RSF1: variants seen among roughly 807,000 people sequenced by gnomAD.
RSF1 encodes HBV pX-associated protein 8.
Under a neutral mutation model 145.2 loss-of-function variants are expected in RSF1, and 13 were observed. The observed-to-expected ratio is 0.09, with a 90% confidence interval of 0.06 to 0.14. The LOEUF (loss-of-function observed/expected upper bound fraction) is 0.14, where lower values mean the gene tolerates loss of function less well. Among genes scored for constraint, RSF1 ranks in the 10% least tolerant of loss-of-function variants. The probability of loss-of-function intolerance (pLI) is 1.00; values close to 1 mark genes in which losing one functional copy is unlikely to be tolerated. For synonymous variants in RSF1, 577 were observed against 592.6 expected (o/e 0.97, Z 0.38); for missense variants, 1,517 against 1,718.2 (o/e 0.88, Z 2.07).
At chr11:77,872,086 A>G in the RSF1 span, 4 of 1,411,530 alleles carry the variant, frequency 2.8e-6, no homozygotes, top group African/African-American at 4.3e-5. Flanking sequence ...TCACTGTCTA[A>G]TTCTGTAGAG....
At chr11:77,747,679 G>A (rs1201376932) in intron 2 of RSF1, among the ~76,000 whole-genome samples, 1 of 152,136 alleles carries the variant, frequency 6.6e-6, no homozygotes, top group Non-Finnish European at 1.5e-5. Flanking sequence ...AGGCAAACCA[G>A]AGCCACTGTA....
Position 77,676,945 on chromosome 11 carries a change from A to T in RSF1, c.3188T>A (p.Ile1063Asn), listed in dbSNP as rs1959722361. ...TCTTTCTTCATCCAAAATAGTAGAG[A>T]TGTCTTTCCCACGATGACCTGTGAT... is the stretch of plus-strand genomic sequence containing the variant. ...STITGHRGKD[I>N]STILDEERKE... Residue 1063 changes from isoleucine (I) to asparagine (N), a missense_variant, in exon 13 of 16, where the codon ATC (isoleucine) becomes AAC (asparagine). Physicochemically the swap from Ile to Asn is moderately radical, Grantham distance 149. This residue lies in a region of RSF1 where 231 missense variants were observed against 276.6 expected (regional missense o/e 0.84). Transcript: ENST00000308488. 6.2e-7 allele frequency: 1 copy of T among 1,613,672 alleles called. No individual in the cohort carries two copies.
the RSF1 span, among the ~76,000 whole-genome samples, chr11:77,871,734 A>G: frequency 6.6e-6 from 1 of 152,258 alleles, no homozygotes; most frequent in South Asian, 2.1e-4. Context: ...AGTTTAGACT[A>G]ACTCAAACAT....
At chr11:77,755,670 C>A (rs1013376015) in intron 2 of RSF1, among the ~76,000 whole-genome samples, 1 of 152,018 alleles carries the variant, frequency 6.6e-6, no homozygotes, top group African/African-American at 2.4e-5. Context: ...ACCTCTGCCC[C>A]CCAGGTTCAA....
At chr11:77,717,395 T>A (rs780904591) in intron 5 of RSF1, among the ~76,000 whole-genome samples, 1 of 152,084 alleles carries the variant, frequency 6.6e-6, no homozygotes, top group Non-Finnish European at 1.5e-5. Context: ...TTTCTCCAGT[T>A]GTCACCTGGG....
At chr11:77,788,635 T>C (rs767613498) in intron 1 of RSF1, among the ~76,000 whole-genome samples, 3 of 151,992 alleles carry the variant, frequency 2.0e-5, no homozygotes, top group Admixed American at 1.3e-4. Flanking sequence ...GTGGCATGCA[T>C]CTAAAGCAGT....
At position 77,666,775 on chromosome 11, in the gene RSF1, A is replaced by T; in HGVS notation, c.*142T>A. 1.8e-6 allele frequency: 1 copy of T among 566,142 alleles called. No homozygotes were observed. The highest frequency in any genetic ancestry group is 2.9e-5 in the East Asian group (1 of 34,954). The allele number at this position is 566,142 out of a possible 1,614,324, so 35.1% of individuals were successfully genotyped here. A position where few individuals can be genotyped will look rare whatever the true frequency, so the allele number is the denominator to read the frequency against. ...TCAGAACTGGTCACTTCACAGAAAG[A>T]CTTCAGGATTTGTTGAAATTTTTCT... On this transcript the variant is annotated 3_prime_UTR_variant, in exon 16 of 16. Coordinates refer to ENST00000308488, the MANE Select transcript of RSF1 (RefSeq NM_016578.4).
At chr11:77,795,745 T>C (rs1948565752) in intron 1 of RSF1, among the ~76,000 whole-genome samples, 1 of 152,194 alleles carries the variant, frequency 6.6e-6, no homozygotes, top group South Asian at 2.1e-4. Context: ...TAAACATTAT[T>C]TGTAGAAAAC....
chr11:77,826,224 T>C, the RSF1 span, among the ~76,000 whole-genome samples: 23 of 151,884 alleles, frequency 1.5e-4, no homozygotes, highest in Admixed American at 6.6e-5. Flanking sequence ...TAGGTGGGCA[T>C]GGTGGTGCAT....
chr11:77,714,654 C>T (rs1960763377), intron 5 of RSF1, among the ~76,000 whole-genome samples: 1 of 152,142 alleles, frequency 6.6e-6, no homozygotes, highest in East Asian at 1.9e-4. Flanking sequence ...CCAGCCTGGG[C>T]AACATGGTGA....
Position 77,675,055 on chromosome 11 carries a change from C to T in RSF1, c.3543G>A (p.Glu1181=). 3 of 1,611,936 alleles carry T rather than the reference C, an allele frequency of 1.9e-6. No homozygotes were observed. The highest frequency in any genetic ancestry group is 1.7e-6 in the Non-Finnish European group (2 of 1,179,186). The change falls in exon 14 of 16, where the codon GAG becomes GAA. Residue 1181 remains glutamate (E), a synonymous_variant. Transcript: ENST00000308488. ...YSDDDEEEES[E]ENSRDSESDF... ...TTTTACCAGAGTCTCTACTATTCTC[C>T]TCAGATTCCTCCTCTTCATCATCAT...
At chr11:77,736,216 G>C (rs1018018166) in intron 4 of RSF1, among the ~76,000 whole-genome samples, 3 of 152,222 alleles carry the variant, frequency 2.0e-5, no homozygotes, top group Non-Finnish European at 4.4e-5. Context: ...GTCAAATTCA[G>C]TTCTGCTTCC....
the RSF1 span, among the ~76,000 whole-genome samples, chr11:77,834,920 TA>T: frequency 3.3e-5 from 5 of 152,094 alleles, 1 homozygote; most frequent in Non-Finnish European, 7.4e-5. Flanking sequence ...ATACAGAAGT[TA>T]AAAAAATGAA....
At chr11:77,786,521 G>C (rs1948458391) in intron 1 of RSF1, among the ~76,000 whole-genome samples, 1 of 152,078 alleles carries the variant, frequency 6.6e-6, no homozygotes, top group African/African-American at 2.4e-5. Context: ...ATTATATTAT[G>C]ATCTGTTGTT....
intron 4 of RSF1, among the ~76,000 whole-genome samples, chr11:77,728,191 T>G (rs532691273): frequency 2.6e-5 from 4 of 152,330 alleles, no homozygotes; most frequent in Non-Finnish European, 4.4e-5. Context: ...GGTGACTGAC[T>G]GCACTTCTGC....
chr11:77,791,039 G>C (rs911945093), intron 1 of RSF1, among the ~76,000 whole-genome samples: 2 of 152,202 alleles, frequency 1.3e-5, no homozygotes, highest in African/African-American at 4.8e-5. Flanking sequence ...GATCTGTGTA[G>C]GGGTTTCAGC....
At chr11:77,693,738 A>G (rs1960213736) in intron 7 of RSF1, 127 bp from the exon 8 acceptor site, 2 of 407,538 alleles carry the variant, frequency 4.9e-6, no homozygotes, top group Non-Finnish European at 4.4e-6. Flanking sequence ...TAGTAAATAA[A>G]AAAGCTCTGA....
chr11:77,752,580 T>G (rs1310297326), intron 2 of RSF1, among the ~76,000 whole-genome samples: 1 of 152,140 alleles, frequency 6.6e-6, no homozygotes. Context: ...CTGAGAGCTA[T>G]TCTCTCTTTT....
At chr11:77,759,086 T>G (rs1948145000) in intron 2 of RSF1, among the ~76,000 whole-genome samples, 3 of 152,232 alleles carry the variant, frequency 2.0e-5, no homozygotes, top group Admixed American at 2.0e-4. Flanking sequence ...AGCCCTTATA[T>G]TTAGGTTGTT....
Sources: allele counts gnomAD v4.1 joint callset (sites outside exome capture counted in the v4.1 genomes callset), GRCh38; gene constraint gnomAD v4.1.1; regional missense constraint gnomAD v4.1.1; transcripts MANE v1.5; gene names NCBI Gene and HGNC (gene_info 2026-07-23, HGNC 2026-07-21).